ST6GAL1: variants seen among roughly 807,000 people sequenced by gnomAD.
The protein encoded by ST6GAL1 is ST6 beta-galactoside alpha-2,6-sialyltransferase 1, also known as beta-galactoside alpha-2,6-sialyltransferase 1.
In ST6GAL1, 20 loss-of-function variants were observed where a neutral mutation model predicts 38.0. The ratio of observed to expected loss-of-function variants is 0.53; its 90% CI spans 0.37 to 0.77. The LOEUF (loss-of-function observed/expected upper bound fraction) is 0.77. Ranked by LOEUF, ST6GAL1 falls within the 30% of genes least tolerant of loss-of-function variation. The pLI is 0.00. For synonymous variants in ST6GAL1, 196 were observed against 188.2 expected, an observed-to-expected ratio of 1.04 and a Z score of -0.34; for missense variants, 432 against 496.4, an observed-to-expected ratio of 0.87 and a Z score of 1.23.
At chr3:186,936,655 TA>T (rs1248223912) in intron 1 of ST6GAL1, among the ~76,000 whole-genome samples, 1 of 152,104 alleles carries the variant, frequency 6.6e-6, no homozygotes, top group Non-Finnish European at 1.5e-5. Context: ...AAAATAAAGC[TA>T]GGGGCTGGGC....
intron 2 of ST6GAL1, among the ~76,000 whole-genome samples, chr3:186,988,586 G>A (rs374268264): frequency 2.7e-5 from 4 of 147,286 alleles, no homozygotes; most frequent in East Asian, 2.0e-4. Context: ...TGGTGGGGGC[G>A]GGTGGTGGTG....
At chr3:187,022,124 T>C (rs2108565545) in intron 2 of ST6GAL1, 1 of 152,338 alleles carries the variant, frequency 6.6e-6, no homozygotes, top group Admixed American at 6.5e-5. Context: ...CCTGGACTTG[T>C]GACTGGTGGA....
chr3:187,004,735 GA>G (rs1393070999), intron 2 of ST6GAL1, among the ~76,000 whole-genome samples: 3 of 152,298 alleles, frequency 2.0e-5, no homozygotes, highest in African/African-American at 7.2e-5. Context: ...AACAAATACA[GA>G]AACCTTACTT....
chr3:187,024,988 C>CGTAT, intron 2 of ST6GAL1: 1 of 145,694 alleles, frequency 6.9e-6, no homozygotes, highest in South Asian at 2.2e-4. Flanking sequence ...GAACCTGGTG[C>CGTAT]GTGTGTGTGT....
chr3:186,962,913 A>T (rs1714978859), intron 1 of ST6GAL1, among the ~76,000 whole-genome samples: 1 of 152,214 alleles, frequency 6.6e-6, no homozygotes, highest in Non-Finnish European at 1.5e-5. Flanking sequence ...TTACTTACTG[A>T]CACGGCACTT....
chr3:186,991,052 C>G (rs1716151418), intron 2 of ST6GAL1, among the ~76,000 whole-genome samples: 2 of 152,068 alleles, frequency 1.3e-5, no homozygotes, highest in Non-Finnish European at 2.9e-5. Flanking sequence ...TGACTTTTTT[C>G]TTTTTCTCAT....
intron 2 of ST6GAL1, among the ~76,000 whole-genome samples, chr3:187,002,872 C>T (rs539571269): frequency 1.3e-5 from 2 of 152,168 alleles, no homozygotes; most frequent in South Asian, 2.1e-4. Context: ...ATACTATTTA[C>T]GGTAGCAAAA....
intron 2 of ST6GAL1, among the ~76,000 whole-genome samples, chr3:186,998,415 A>G (rs1716491660): frequency 6.6e-6 from 1 of 152,224 alleles, no homozygotes; most frequent in Non-Finnish European, 1.5e-5. Context: ...AATGTTAGGA[A>G]AATCATAAGA....
chr3:187,034,029 G>A (rs1717842917), intron 2 of ST6GAL1, among the ~76,000 whole-genome samples: 1 of 152,060 alleles, frequency 6.6e-6, no homozygotes, highest in African/African-American at 2.4e-5. Flanking sequence ...TAACAAAGAA[G>A]AAAAGAGAGA....
chr3:187,003,707 A>G (rs973615259), intron 2 of ST6GAL1, among the ~76,000 whole-genome samples: 11 of 152,240 alleles, frequency 7.2e-5, no homozygotes, highest in African/African-American at 2.7e-4. Flanking sequence ...ATTATAATGG[A>G]GAATTTTTAG....
intron 1 of ST6GAL1, among the ~76,000 whole-genome samples, chr3:186,937,013 A>C (rs540957047): frequency 6.6e-6 from 1 of 151,750 alleles, no homozygotes; most frequent in Admixed American, 6.6e-5. Flanking sequence ...ACAAAAAAAC[A>C]TAGAGAAACA....
rs56022756 is a variant in ST6GAL1 at position 186,956,591 on chromosome 3, G to A, written c.-324-7194G>A. On this transcript the variant is annotated intron_variant, in intron 1 of 7. Transcript: ENST00000169298. ...TTTCTGCTTCTGTCACACAGTGCTG[G>A]ATACTAGAGTCAAATTCTGCTTTCC... 9.6e-3 allele frequency among the ~76,000 whole-genome samples: 1,460 copies of A among 152,304 alleles called. 7 individuals are homozygous for A. The highest frequency in any genetic ancestry group is 0.015 in the Non-Finnish European group (1,037 of 68,022).
intron 2 of ST6GAL1, among the ~76,000 whole-genome samples, chr3:187,031,283 C>G (rs1180858899): frequency 6.6e-6 from 1 of 152,130 alleles, no homozygotes; most frequent in Non-Finnish European, 1.5e-5. Context: ...GCTGCAAAGG[C>G]ATGAAAGAGT....
At chr3:186,975,864 A>T (rs1177934055) in intron 2 of ST6GAL1, among the ~76,000 whole-genome samples, 7 of 152,206 alleles carry the variant, frequency 4.6e-5, no homozygotes, top group African/African-American at 1.7e-4. Context: ...CCCTTACCTC[A>T]TCCCAATCCT....
intron 1 of ST6GAL1, among the ~76,000 whole-genome samples, chr3:186,934,955 C>T (rs1410588025): frequency 3.3e-5 from 5 of 151,842 alleles, no homozygotes; most frequent in Non-Finnish European, 5.9e-5. Flanking sequence ...TTAGTAAAGA[C>T]GGGGTTTCAC....
chr3:187,066,975 T>G (rs1719169376), intron 5 of ST6GAL1, among the ~76,000 whole-genome samples: 1 of 151,976 alleles, frequency 6.6e-6, no homozygotes. Flanking sequence ...AGATGTGACA[T>G]GGTCCATCTA....
intron 2 of ST6GAL1, among the ~76,000 whole-genome samples, chr3:187,010,883 T>A (rs182134126): frequency 3.8e-4 from 58 of 152,324 alleles, no homozygotes; most frequent in African/African-American, 1.3e-3. Context: ...TTTTACCTAT[T>A]TTATTTCTGT....
At chr3:187,045,967 A>G (rs1718281116) in intron 4 of ST6GAL1, among the ~76,000 whole-genome samples, 1 of 152,226 alleles carries the variant, frequency 6.6e-6, no homozygotes, top group South Asian at 2.1e-4. Context: ...GTAGCTAGGC[A>G]TTAGCTCTTA....
At chr3:186,941,054 C>T (rs1714153785) in intron 1 of ST6GAL1, among the ~76,000 whole-genome samples, 1 of 152,146 alleles carries the variant, frequency 6.6e-6, no homozygotes, top group East Asian at 1.9e-4. Flanking sequence ...CAGGAAGCTA[C>T]CAAGAGGCTG....
Sources: gnomAD v4.1 joint callset for allele counts (sites outside exome capture counted in the v4.1 genomes callset) on GRCh38, gnomAD v4.1.1 for gene constraint, MANE v1.5 for transcripts, NCBI Gene and HGNC (gene_info 2026-07-23, HGNC 2026-07-21) for gene names.